The following FNBP4 variants were observed in gnomAD, a reference collection of about 807,000 sequenced individuals.
FNBP4 encodes formin-binding protein 4.
A neutral mutation model predicts 119.3 loss-of-function variants in FNBP4; 34 were observed. The ratio of observed to expected loss-of-function variants is 0.28; its 90% CI spans 0.22 to 0.38. The LOEUF is 0.38. FNBP4 is among the 10% of genes least tolerant of loss of function. The pLI is 1.00. For synonymous variants in FNBP4, 462 were observed against 430.6 expected (o/e 1.07, Z -0.90); for missense variants, 1,112 against 1,228.9 (o/e 0.90, Z 1.42).
chr11:47,739,447 A>G (rs140884902), intron 8 of FNBP4, among the ~76,000 whole-genome samples: 372 of 152,296 alleles, frequency 2.4e-3, no homozygotes, highest in Middle Eastern at 0.014. Flanking sequence ...GTTAAAGACT[A>G]GAATGTTTTG....
intron 12 of FNBP4, 72 bp downstream of exon 12, chr11:47,731,302 A>C: frequency 1.4e-6 from 2 of 1,383,392 alleles, no homozygotes; most frequent in Non-Finnish European, 2.0e-6. Flanking sequence ...AAAATCTTTT[A>C]ATAATGTAAA....
At chr11:47,727,731 T>TA (rs1347821564) in intron 12 of FNBP4, among the ~76,000 whole-genome samples, 3 of 152,234 alleles carry the variant, frequency 2.0e-5, no homozygotes, top group Non-Finnish European at 4.4e-5. Flanking sequence ...TCCTTTATCT[T>TA]ACGAAGACCA....
chr11:47,734,236 A>G (rs2097570986), intron 9 of FNBP4, 107 bp from the exon 10 acceptor site: 1 of 554,286 alleles, frequency 1.8e-6, no homozygotes, highest in African/African-American at 1.9e-5. Flanking sequence ...GGGTCTGCCT[A>G]TAAACAGCCT....
rs1039122857 is a variant in FNBP4 at position 47,717,146 on chromosome 11, C to T, written c.*276G>A. 1.6e-5 allele frequency: 5 copies of T among 314,094 alleles called. No homozygotes were observed. Among genetic ancestry groups the T allele is most frequent in the African/African-American group, 1.1e-4 (5 of 46,548 alleles). The allele number at this position is 314,094 out of a possible 1,614,324, so 19.5% of individuals were successfully genotyped here. ...TTATACTCATGAGCCACATGTTCTT[C>T]AAGACTGATGAGGTTAATACACCTA... On this transcript the variant is annotated 3_prime_UTR_variant, in exon 17 of 17. Transcript: ENST00000263773.
chr11:47,740,751 T>G, intron 8 of FNBP4, among the ~76,000 whole-genome samples: 1 of 151,372 alleles, frequency 6.6e-6, no homozygotes, highest in East Asian at 1.9e-4. Flanking sequence ...CACCACCAGG[T>G]GCAGATAATT....
intron 6 of FNBP4, 63 bp from the exon 7 acceptor site, chr11:47,746,457 T>A: frequency 7.6e-6 from 10 of 1,323,296 alleles, no homozygotes; most frequent in Non-Finnish European, 1.0e-5. Context: ...TGCACATACA[T>A]TCAATTGCAC....
intron 6 of FNBP4, among the ~76,000 whole-genome samples, chr11:47,750,239 C>T (rs2097599306): frequency 6.6e-6 from 1 of 151,804 alleles, no homozygotes; most frequent in African/African-American, 2.4e-5. Context: ...ATTAGCCAGG[C>T]ATGGTGGCAG....
intron 14 of FNBP4, 148 bp downstream of exon 14, chr11:47,723,880 T>TG: frequency 3.7e-6 from 1 of 266,716 alleles, no homozygotes; most frequent in Non-Finnish European, 6.2e-6. Flanking sequence ...CTGTCAAAAG[T>TG]TTTTTTTTTT....
Position 47,751,167 on chromosome 11 carries a change from T to C in FNBP4, c.761A>G (p.Gln254Arg), listed in dbSNP as rs766949827. ...CCTGGGCTGGTAATGCTGTAATCCC[T>C]GTACCTGTGTGGCAAGATATTGGGG... is the stretch of plus-strand genomic sequence containing the variant. ...ELPQYLATQVQGLQHYQPSSV... is the reference protein window; with the variant it reads ...ELPQYLATQVRGLQHYQPSSV... Residue 254 changes from glutamine (Q) to arginine (R), a missense_variant, in exon 5 of 17, where the codon CAG (glutamine) becomes CGG (arginine). Gln to Arg is a conservative substitution (Grantham distance 43, BLOSUM62 1). Transcript: ENST00000263773. 1 of 1,614,220 alleles carries C rather than the reference T, an allele frequency of 6.2e-7. No individual in the cohort carries two copies. The highest frequency in any genetic ancestry group is 8.5e-7 in the Non-Finnish European group (1 of 1,180,044).
intron 6 of FNBP4, among the ~76,000 whole-genome samples, chr11:47,748,210 G>A (rs1030800531): frequency 1.3e-5 from 2 of 151,660 alleles, no homozygotes; most frequent in African/African-American, 4.8e-5. Context: ...CTGCACTCCA[G>A]CCTGGGTGAC....
chr11:47,724,433 C>T (rs768642417), intron 13 of FNBP4, 35 bp downstream of exon 13: 1 of 1,613,748 alleles, frequency 6.2e-7, no homozygotes, highest in Non-Finnish European at 8.5e-7. Context: ...TTCCAGTCCT[C>T]AAAATCACTC....
chr11:47,746,399 A>G lies in FNBP4; in HGVS notation c.907-5T>C, dbSNP rs764244638. 4.4e-6 allele frequency: 7 copies of G among 1,579,170 alleles called. No individual in the cohort carries two copies. The highest frequency in any genetic ancestry group is 5.1e-6 in the Non-Finnish European group (6 of 1,168,214). Reference sequence around the variant, plus strand: ...CTGAATTCCTTCATTTACTTCCTATAAAGAACAAAATAATTTAGTCTCATT... The same window carrying G: ...CTGAATTCCTTCATTTACTTCCTATGAAGAACAAAATAATTTAGTCTCATT... On this transcript the variant is annotated splice_region_variant and splice_polypyrimidine_tract_variant and intron_variant, in intron 6 of 16. Coordinates refer to ENST00000263773, the MANE Select transcript of FNBP4 (RefSeq NM_015308.5).
intron 12 of FNBP4, among the ~76,000 whole-genome samples, chr11:47,730,792 G>A (rs1441387135): frequency 1.3e-5 from 2 of 152,164 alleles, no homozygotes; most frequent in Admixed American, 1.3e-4. Context: ...ATTCTTCCAA[G>A]AGTACCTTAA....
chr11:47,756,702 ACCCCATGACAGG>A (rs951044226), intron 2 of FNBP4, among the ~76,000 whole-genome samples: 22 of 132,332 alleles, frequency 1.7e-4, no homozygotes, highest in Non-Finnish European at 3.3e-5. Flanking sequence ...CCCACCCCCG[ACCCCATGACAGG>A]CCCCGGTGTG....
intron 15 of FNBP4, among the ~76,000 whole-genome samples, chr11:47,722,072 C>T (rs1367964236): frequency 3.3e-5 from 4 of 122,878 alleles, no homozygotes; most frequent in Non-Finnish European, 6.6e-5. Context: ...AAATATTTCT[C>T]ATAGATTTAT....
Position 47,732,345 on chromosome 11 carries a change from T to A in FNBP4, c.1820+192A>T. 1 of 1,483,586 alleles carries A rather than the reference T, an allele frequency of 6.7e-7. No individual in the cohort carries two copies. Among genetic ancestry groups the A allele is most frequent in the Non-Finnish European group, 8.9e-7 (1 of 1,121,536 alleles). 91.9% of individuals were successfully genotyped at this position (1,483,586 alleles called of 1,614,324 possible). A position where few individuals can be genotyped will look rare whatever the true frequency, so the allele number is the denominator to read the frequency against. On this transcript the variant is annotated intron_variant, in intron 11 of 16. Transcript: ENST00000263773. The surrounding 1 kb of genome is among the most constrained non-coding windows in gnomAD (Gnocchi z 4.2). ...GAAAAAATCCGTTACATGGAACACT[T>A]TAAACATTGCTTTTGTTTCTCCAAT...
At chr11:47,733,266 T>C (rs1358644842) in intron 10 of FNBP4, among the ~76,000 whole-genome samples, 1 of 152,226 alleles carries the variant, frequency 6.6e-6, no homozygotes, top group African/African-American at 2.4e-5. Flanking sequence ...GTTTCCCCAG[T>C]AGTTTTACTT....
chr11:47,734,981 C>CA (rs1166659708), intron 9 of FNBP4, among the ~76,000 whole-genome samples: 5 of 107,972 alleles, frequency 4.6e-5, no homozygotes, highest in African/African-American at 6.5e-5. Context: ...CCCCAACACC[C>CA]CCCCCCCCAA....
chr11:47,758,777 T>C, intron 2 of FNBP4, among the ~76,000 whole-genome samples: 1 of 151,686 alleles, frequency 6.6e-6, no homozygotes, highest in East Asian at 2.0e-4. Flanking sequence ...GAGAATTGCT[T>C]GAACCCGGAA....
Sources: allele counts gnomAD v4.1 joint callset (sites outside exome capture counted in the v4.1 genomes callset), GRCh38; gene constraint gnomAD v4.1.1; non-coding constraint Gnocchi (gnomAD v3.1); transcripts MANE v1.5; gene names NCBI Gene and HGNC (gene_info 2026-07-23, HGNC 2026-07-21).